Variants in AURKAIP1 observed in about 807,000 individuals in gnomAD.
The protein encoded by AURKAIP1 is aurora kinase A interacting protein 1.
In AURKAIP1, 20 loss-of-function variants were observed where a neutral mutation model predicts 18.4. The ratio of observed to expected loss-of-function variants is 1.09; its 90% confidence interval spans 0.77 to 1.58. The LOEUF (loss-of-function observed/expected upper bound fraction) is 1.58, where lower values mean the gene tolerates loss of function less well. Among genes scored for constraint, AURKAIP1 ranks in the 40% most tolerant of loss-of-function variants. AURKAIP1 has a pLI of 0.00. For missense variants in AURKAIP1, 319 were observed against 270.7 expected, an observed-to-expected ratio of 1.18 and a Z score of -1.25; for synonymous variants, 156 against 120.8, an observed-to-expected ratio of 1.29 and a Z score of -1.91.
rs766135969 is a variant in AURKAIP1, at chr1:1,374,001, T to C, written c.497A>G (p.Gln166Arg). ...AGGGCCAAGCAGGGGGCCACTCACCTGCTTGCGTCTCAGGCGTCCCTCCTG... is the reference window on the plus strand; with the variant it reads ...AGGGCCAAGCAGGGGGCCACTCACCCGCTTGCGTCTCAGGCGTCCCTCCTG... ...KVQEGRLRRKQIKFEKDLRRI... is the reference protein window; with the variant it reads ...KVQEGRLRRKRIKFEKDLRRI... Residue 166 changes from glutamine to arginine, a missense_variant and splice_region_variant, in exon 3 of 4, where the codon CAG (glutamine) becomes CGG (arginine). Coordinates refer to ENST00000338338, the MANE Select transcript of AURKAIP1 (RefSeq NM_017900.3). 1 of 1,608,410 alleles carries C rather than the reference T, an allele frequency of 6.2e-7. No individual in the cohort carries two copies. Among genetic ancestry groups the C allele is most frequent in the South Asian group, 1.1e-5 (1 of 91,060 alleles).
Position 1,374,778 on chromosome 1 carries a change from G to A in AURKAIP1, c.-22C>T, listed in dbSNP as rs1349773121. The A allele has an allele frequency of 6.4e-7, 1 of 1,551,068 alleles. No homozygotes were observed. The highest frequency in any genetic ancestry group is 8.7e-7 in the Non-Finnish European group (1 of 1,147,544). On this transcript the variant is annotated 5_prime_UTR_variant, in exon 2 of 4. Coordinates refer to ENST00000338338, the MANE Select transcript of AURKAIP1 (RefSeq NM_017900.3). ...GCATGGTCTGTGGGCGGCGGCCACA[G>A]GTCCCAGGGGAGCTGGAACACAAGT...
At chr1:1,374,861 C>G in intron 1 of AURKAIP1, 71 bp from the exon 2 acceptor site, 1 of 1,040,666 alleles carries the variant, frequency 9.6e-7, no homozygotes, top group Non-Finnish European at 1.4e-6. Flanking sequence ...GGGACTGGGG[C>G]GTCTGGTCCC....
chr1:1,374,295 T>C lies in AURKAIP1; in HGVS notation c.203A>G (p.Lys68Arg). Residue 68 changes from lysine (K) to arginine (R), a missense_variant, in exon 3 of 4, where the codon AAG becomes AGG. Transcript: ENST00000338338. ...LELEEMLVPRKMSVSPLESWL... is the reference protein window; with the variant it reads ...LELEEMLVPRRMSVSPLESWL... ...GCTCTCCAGGGGGCTGACGGACATC[T>C]TCCTGGGGACCAGCATCTCCTCCAG... is the stretch of plus-strand genomic sequence containing the variant. 1 of 1,591,302 alleles carries C rather than the reference T, an allele frequency of 6.3e-7. No individual in the cohort carries two copies. Among genetic ancestry groups the C allele is most frequent in the Non-Finnish European group, 8.5e-7 (1 of 1,170,112 alleles).
Position 1,374,173 on chromosome 1 carries a change from C to G in AURKAIP1, c.325G>C (p.Gly109Arg), listed in dbSNP as rs748379016. The G allele has an allele frequency of 6.2e-7, 1 of 1,613,946 alleles. No individual in the cohort carries two copies. The highest frequency in any genetic ancestry group is 8.5e-7 in the Non-Finnish European group (1 of 1,180,048). The change falls in exon 3 of 4, where the codon GGG becomes CGG. Residue 109 changes from glycine to arginine, a missense_variant. Coordinates refer to ENST00000338338, the MANE Select transcript of AURKAIP1 (RefSeq NM_017900.3). ...TCATCCCCCTGCTCGGCCCCTTCCC[C>G]TATCTGGCTGGGCGGACACTGGTAG... ...QSYQCPPSQI[G>R]EGAEQGDEGV...
Position 1,374,081 on chromosome 1 carries a change from G to T in AURKAIP1, c.417C>A (p.Asn139Lys). The T allele has an allele frequency of 6.2e-7, 1 of 1,610,666 alleles. No homozygotes were observed. Among genetic ancestry groups the T allele is most frequent in the Admixed American group, 1.7e-5 (1 of 59,954 alleles). ...NVLKIRRRKM[N>K]HHKYRKLVKK... ...TCACCAGCTTCCGGTACTTGTGGTG[G>T]TTCATCTTCCGCCGGCGGATCTTCA... Residue 139 changes from asparagine (N) to lysine (K), a missense_variant, in exon 3 of 4, where the codon AAC becomes AAA. Coordinates refer to ENST00000338338, the MANE Select transcript of AURKAIP1 (RefSeq NM_017900.3).
intron 1 of AURKAIP1, 120 bp from the exon 2 acceptor site, chr1:1,374,910 A>C: frequency 1.5e-6 from 1 of 645,710 alleles, no homozygotes; most frequent in Non-Finnish European, 2.6e-6. Context: ...CGCCACCCCA[A>C]CCCACAAGGA....
chr1:1,374,449 C>T lies in AURKAIP1; in HGVS notation c.53-4G>A. 6.9e-7 allele frequency: 1 copy of T among 1,443,812 alleles called. No individual in the cohort carries two copies. The allele number at this position is 1,443,812 out of a possible 1,614,324, so 89.4% of individuals were successfully genotyped here. The stretch of plus-strand genomic sequence containing the variant: ...ACGGGCCAAGGCGGGCGGCCGCCTG[C>T]AGAAAACCAGACGCCACGGTCACCG... On this transcript the variant is annotated splice_polypyrimidine_tract_variant and splice_region_variant and intron_variant, in intron 2 of 3. Coordinates refer to ENST00000338338, the MANE Select transcript of AURKAIP1 (RefSeq NM_017900.3).
At position 1,374,390 on chromosome 1, in the gene AURKAIP1, G is replaced by A; in HGVS notation, c.108C>T (p.Pro36=). The A allele has an allele frequency of 1.3e-6, 2 of 1,484,310 alleles. No individual in the cohort carries two copies. The highest frequency in any genetic ancestry group is 1.4e-5 in the African/African-American group (1 of 71,582). The allele number at this position is 1,484,310 out of a possible 1,614,324, so 91.9% of individuals were successfully genotyped here. A position where few individuals can be genotyped will look rare whatever the true frequency, so the allele number is the denominator to read the frequency against. The change falls in exon 3 of 4, where the codon CCC becomes CCT. Residue 36 remains proline, a synonymous_variant. Coordinates refer to ENST00000338338, the MANE Select transcript of AURKAIP1 (RefSeq NM_017900.3). ...GGCCGGCCGGCGATGTGCTGTAAAGGGGCCCGCAGACCCGGCTGCCCAGCA... is the reference window on the plus strand; with the variant it reads ...GGCCGGCCGGCGATGTGCTGTAAAGAGGCCCGCAGACCCGGCTGCCCAGCA... ...SGVLGSRVCG[P]LYSTSPAGPG...
chr1:1,373,969 C>T, intron 3 of AURKAIP1, 31 bp downstream of exon 3: 1 of 1,608,612 alleles, frequency 6.2e-7, no homozygotes. Context: ...CAGCACTTTG[C>T]CCTCCCAGGG....
rs751926763 is a variant in AURKAIP1 at position 1,374,047 on chromosome 1, G to C, written c.451C>G (p.Arg151Gly). The change falls in exon 3 of 4, where the codon CGG (arginine) becomes GGG (glycine). Residue 151 changes from arginine to glycine, a missense_variant. Arg to Gly is a moderately radical substitution (Grantham distance 125). Coordinates refer to ENST00000338338, the MANE Select transcript of AURKAIP1 (RefSeq NM_017900.3). ...HKYRKLVKKT[R>G]FLRRKVQEGR... ...TCCTGGACCTTCCTCCGCAGGAACC[G>C]CGTCTTCTTCACCAGCTTCCGGTAC... 30 of 1,607,194 alleles carry C rather than the reference G, an allele frequency of 1.9e-5. No individual in the cohort carries two copies. The Admixed American group carries it at 3.0e-4, about 16-fold the overall frequency.
In AURKAIP1 at chr1:1,373,985, C is replaced by A. The variant is rs1444725932; in HGVS notation, c.498+15G>T. 5.0e-6 allele frequency: 8 copies of A among 1,608,480 alleles called. No homozygotes were observed. Among genetic ancestry groups the A allele is most frequent in the Non-Finnish European group, 5.9e-6 (7 of 1,179,818 alleles). On this transcript the variant is annotated intron_variant, in intron 3 of 3. Coordinates refer to ENST00000338338, the MANE Select transcript of AURKAIP1 (RefSeq NM_017900.3). ...AGCACTTTGCCCTCCCAGGGCCAAG[C>A]AGGGGGCCACTCACCTGCTTGCGTC...
Position 1,373,895 on chromosome 1 carries a change from A to G in AURKAIP1, c.506T>C (p.Phe169Ser), listed in dbSNP as rs1193469401. Residue 169 changes from phenylalanine (F) to serine (S), a missense_variant, in exon 4 of 4, where the codon TTC becomes TCC. Phe to Ser is a radical substitution (Grantham distance 155). Transcript: ENST00000338338. ...EGRLRRKQIKFEKDLRRIWLK... is the reference protein window; with the variant it reads ...EGRLRRKQIKSEKDLRRIWLK... ...CCAGATGCGCCTCAGGTCTTTCTCG[A>G]ACTTGATCTGCAAGACGCAGAGAGA... 6.2e-7 allele frequency: 1 copy of G among 1,609,010 alleles called. No homozygotes were observed. Among genetic ancestry groups the G allele is most frequent in the South Asian group, 1.1e-5 (1 of 91,074 alleles).
chr1:1,374,341 G>A lies in AURKAIP1; in HGVS notation c.157C>T (p.Arg53Cys), dbSNP rs1402741499. 3 of 1,557,034 alleles carry A rather than the reference G, an allele frequency of 1.9e-6. No individual in the cohort carries two copies. Among genetic ancestry groups the A allele is most frequent in the African/African-American group, 1.4e-5 (1 of 73,812 alleles). Residue 53 changes from arginine (R) to cysteine (C), a missense_variant, in exon 3 of 4, where the codon CGC (arginine) becomes TGC (cysteine). Coordinates refer to ENST00000338338, the MANE Select transcript of AURKAIP1 (RefSeq NM_017900.3). ...TCCAGCTCCAGCTGGGCCCCCTTGCGAGGGAGAGAGGCCGCCCTACCTGGG... is the reference window on the plus strand; with the variant it reads ...TCCAGCTCCAGCTGGGCCCCCTTGCAAGGGAGAGAGGCCGCCCTACCTGGG... ...AGPGRAASLP[R>C]KGAQLELEEM...
chr1:1,374,099 G>T lies in AURKAIP1; in HGVS notation c.399C>A (p.Ile133=). 1.9e-6 allele frequency: 3 copies of T among 1,612,102 alleles called. No individual in the cohort carries two copies. Among genetic ancestry groups the T allele is most frequent in the Non-Finnish European group, 2.5e-6 (3 of 1,178,842 alleles). Residue 133 remains isoleucine, a synonymous_variant, in exon 3 of 4, where the codon ATC becomes ATA. Coordinates refer to ENST00000338338, the MANE Select transcript of AURKAIP1 (RefSeq NM_017900.3). ...TGTGGTGGTTCATCTTCCGCCGGCG[G>T]ATCTTCAGCACGTTTTTGCACTGAA... ...PQIQCKNVLK[I]RRRKMNHHKY...
intron 2 of AURKAIP1, 65 bp from the exon 3 acceptor site, chr1:1,374,510 CA>C: frequency 7.1e-7 from 1 of 1,406,298 alleles, no homozygotes; most frequent in Non-Finnish European, 9.4e-7. Context: ...GGTTGAGGAG[CA>C]GCAGGTTCGT....
At chr1:1,374,632 C>G (rs1031144999) in intron 2 of AURKAIP1, 73 bp downstream of exon 2, 8 of 1,496,210 alleles carry the variant, frequency 5.3e-6, no homozygotes, top group East Asian at 2.5e-5. Flanking sequence ...CGGCCCTGCC[C>G]CAGCGGAGCT....
intron 2 of AURKAIP1, 54 bp from the exon 3 acceptor site, chr1:1,374,499 G>A: frequency 1.4e-6 from 2 of 1,419,248 alleles, no homozygotes; most frequent in Non-Finnish European, 9.3e-7. Context: ...CAGGCCCGTC[G>A]GGTTGAGGAG....
chr1:1,374,779 G>A lies in AURKAIP1; in HGVS notation c.-23C>T, dbSNP rs1234798800. 2 of 1,550,970 alleles carry A rather than the reference G, an allele frequency of 1.3e-6. No homozygotes were observed. Among genetic ancestry groups the A allele is most frequent in the Non-Finnish European group, 8.7e-7 (1 of 1,147,384 alleles). On this transcript the variant is annotated 5_prime_UTR_variant, in exon 2 of 4. Transcript: ENST00000338338. The stretch of plus-strand genomic sequence containing the variant: ...CATGGTCTGTGGGCGGCGGCCACAG[G>A]TCCCAGGGGAGCTGGAACACAAGTG...
At chr1:1,374,585 C>A in intron 2 of AURKAIP1, 120 bp downstream of exon 2, 2 of 1,394,002 alleles carry the variant, frequency 1.4e-6, no homozygotes, top group South Asian at 1.3e-5. Context: ...CTGTGAGCAT[C>A]GGAAGCTTAG....
Sources: allele counts gnomAD v4.1 joint callset, GRCh38; gene constraint gnomAD v4.1.1; transcripts MANE v1.5; gene names NCBI Gene and HGNC (gene_info 2026-07-23, HGNC 2026-07-21).